Variants in NDST4 observed in about 807,000 individuals in gnomAD.
NDST4 encodes the protein N-heparan sulfate sulfotransferase 4.
Under a neutral mutation model 100.8 loss-of-function variants are expected in NDST4, and 63 were observed. The observed-to-expected ratio is 0.62, with a 90% CI of 0.51 to 0.77. The LOEUF (loss-of-function observed/expected upper bound fraction) is 0.77. Among genes scored for constraint, NDST4 ranks in the 30% least tolerant of loss-of-function variants. The pLI, the probability that NDST4 is intolerant of heterozygous loss-of-function variation, is 0.00. For synonymous variants in NDST4, 377 were observed against 361.8 expected, an observed-to-expected ratio of 1.04 and a Z score of -0.48; for missense variants, 943 against 1,018.4, an observed-to-expected ratio of 0.93 and a Z score of 1.01.
intron 13 of NDST4, among the ~76,000 whole-genome samples, chr4:114,829,232 C>T (rs946426484): frequency 1.3e-5 from 2 of 152,016 alleles, no homozygotes; most frequent in Non-Finnish European, 2.9e-5. Context: ...GACATTTCTT[C>T]TCATATCCTC....
chr4:115,031,685 A>C (rs1380289113), intron 2 of NDST4, among the ~76,000 whole-genome samples: 1 of 152,108 alleles, frequency 6.6e-6, no homozygotes, highest in African/African-American at 2.4e-5. Flanking sequence ...CTTTCTCTCC[A>C]AACAGAAGAG....
intron 4 of NDST4, among the ~76,000 whole-genome samples, chr4:114,948,855 C>T (rs1052683952): frequency 1.1e-4 from 16 of 151,862 alleles, no homozygotes; most frequent in South Asian, 4.2e-4. Context: ...TAAAGGACAC[C>T]ATCATACTAA....
At chr4:115,071,909 CT>C (rs1430265459) in intron 2 of NDST4, among the ~76,000 whole-genome samples, 1 of 151,916 alleles carries the variant, frequency 6.6e-6, no homozygotes, top group Non-Finnish European at 1.5e-5. Context: ...ATAAATAGTT[CT>C]CAATTCTCAA....
At chr4:115,081,592 C>T (rs903524330) in intron 1 of NDST4, among the ~76,000 whole-genome samples, 6 of 151,752 alleles carry the variant, frequency 4.0e-5, no homozygotes, top group African/African-American at 9.7e-5. Flanking sequence ...TCAAAAGGCA[C>T]GTGTTAAATG....
chr4:114,894,101 T>C (rs1286771422), intron 6 of NDST4, among the ~76,000 whole-genome samples: 1 of 152,208 alleles, frequency 6.6e-6, no homozygotes, highest in Non-Finnish European at 1.5e-5. Flanking sequence ...GATCTATATG[T>C]ATGTTATAAT....
chr4:114,862,177 G>A (rs1464356324), intron 7 of NDST4, among the ~76,000 whole-genome samples: 1 of 152,056 alleles, frequency 6.6e-6, no homozygotes, highest in Non-Finnish European at 1.5e-5. Context: ...ATATATGTTT[G>A]AAAACAAACA....
intron 6 of NDST4, among the ~76,000 whole-genome samples, chr4:114,925,346 C>T (rs1285115069): frequency 6.6e-6 from 1 of 152,152 alleles, no homozygotes; most frequent in East Asian, 1.9e-4. Flanking sequence ...TAAATTACCT[C>T]ATCTATGCAG....
At chr4:115,033,967 T>C (rs1393364275) in intron 2 of NDST4, among the ~76,000 whole-genome samples, 1 of 152,156 alleles carries the variant, frequency 6.6e-6, no homozygotes. Flanking sequence ...TCAATGTTTA[T>C]CGTATTTTGA....
chr4:114,837,990 T>C (rs1194733540), intron 11 of NDST4, among the ~76,000 whole-genome samples: 1 of 151,904 alleles, frequency 6.6e-6, no homozygotes, highest in Non-Finnish European at 1.5e-5. Flanking sequence ...AAAAACAACC[T>C]CATCAAGAAG....
At chr4:115,009,216 C>T (rs1169697821) in intron 2 of NDST4, among the ~76,000 whole-genome samples, 2 of 128,156 alleles carry the variant, frequency 1.6e-5, no homozygotes, top group East Asian at 2.5e-4. Context: ...AAAAAGAGTC[C>T]GCATCACCAA....
intron 6 of NDST4, among the ~76,000 whole-genome samples, chr4:114,929,036 C>CCG (rs1725440326): frequency 2.0e-5 from 3 of 146,730 alleles, no homozygotes; most frequent in African/African-American, 5.0e-5. Flanking sequence ...GTCTGTCTGT[C>CCG]TGTCTGTCCG....
In NDST4 at chr4:115,076,445, G is replaced by A. The variant is rs756155381; in HGVS notation, c.592C>T (p.Gln198Ter). ...TTGGTAATATGCAGCAAAGGAGATT[G>A]AGGGTTAACAAAACAGTCCTTTAGA... Reference protein sequence around the residue: ...LALKDCFVNPQSPLLHITKAP... With the variant: ...LALKDCFVNP The change falls in exon 2 of 14, where the codon CAA becomes TAA. Residue 198 changes from glutamine to a stop codon, truncating the protein, a stop_gained. Transcript: ENST00000264363. LOFTEE classifies it high-confidence loss of function. 6.2e-7 allele frequency: 1 copy of A among 1,613,964 alleles called. No individual in the cohort carries two copies. The highest frequency in any genetic ancestry group is 1.1e-5 in the South Asian group (1 of 91,070).
At chr4:114,941,630 T>A (rs1204451661) in intron 4 of NDST4, among the ~76,000 whole-genome samples, 3 of 152,044 alleles carry the variant, frequency 2.0e-5, no homozygotes, top group Admixed American at 2.0e-4. Flanking sequence ...AATAAGCAAG[T>A]TTTTTTCTAG....
At chr4:114,964,654 C>A (rs1560833733) in intron 4 of NDST4, among the ~76,000 whole-genome samples, 1 of 152,152 alleles carries the variant, frequency 6.6e-6, no homozygotes, top group South Asian at 2.1e-4. Context: ...TTTTTAAGTA[C>A]ACAATATTAT....
chr4:115,055,923 C>T (rs1259181174), intron 2 of NDST4, among the ~76,000 whole-genome samples: 3 of 151,982 alleles, frequency 2.0e-5, no homozygotes, highest in Non-Finnish European at 4.4e-5. Flanking sequence ...GCAGCAATAT[C>T]GTTCATCAGA....
chr4:114,986,832 A>ATATATATATATATATATATTTTTTT, intron 2 of NDST4, among the ~76,000 whole-genome samples: 12 of 94,650 alleles, frequency 1.3e-4, no homozygotes, highest in Admixed American at 3.6e-4. Flanking sequence ...ATATATATAT[A>ATATATATATATATATATATTTTTTT]TTTTAATATA....
chr4:115,063,255 G>T (rs1200134656), intron 2 of NDST4, among the ~76,000 whole-genome samples: 1 of 151,816 alleles, frequency 6.6e-6, no homozygotes, highest in Non-Finnish European at 1.5e-5. Flanking sequence ...TTTATTTGGG[G>T]GAGAAAAAGT....
chr4:115,012,084 G>A (rs960121392), intron 2 of NDST4, among the ~76,000 whole-genome samples: 2 of 151,902 alleles, frequency 1.3e-5, no homozygotes, highest in African/African-American at 2.4e-5. Flanking sequence ...TCTTAGAGCT[G>A]ATAAATTACT....
intron 6 of NDST4, among the ~76,000 whole-genome samples, chr4:114,921,826 T>C: frequency 6.6e-6 from 1 of 152,134 alleles, no homozygotes. Flanking sequence ...TCCTATTTTC[T>C]TTTTCCCCCT....
Sources: allele counts gnomAD v4.1 joint callset (sites outside exome capture counted in the v4.1 genomes callset), GRCh38; gene constraint gnomAD v4.1.1; transcripts MANE v1.5; gene names NCBI Gene and HGNC (gene_info 2026-07-23, HGNC 2026-07-21).